The following RHOBTB3 variants were observed in gnomAD, a reference collection of about 807,000 sequenced individuals.
The protein encoded by RHOBTB3 is rho-related BTB domain-containing protein 3.
A neutral mutation model predicts 67.2 loss-of-function variants in RHOBTB3; 47 were observed. The observed-to-expected ratio is 0.70, with a 90% CI of 0.55 to 0.89. The LOEUF (loss-of-function observed/expected upper bound fraction) is 0.89. Ranked by LOEUF, RHOBTB3 falls within the 40% of genes least tolerant of loss-of-function variation. The pLI is 0.00. For synonymous variants in RHOBTB3, 273 were observed against 274.2 expected (o/e 1.00, Z 0.04); for missense variants, 631 against 750.0 (o/e 0.84, Z 1.85).
chr5:95,731,140 G>C, upstream of RHOBTB3: 2 of 1,016,160 alleles, frequency 2.0e-6, no homozygotes, highest in Non-Finnish European at 2.4e-6. Flanking sequence ...ATATTCCGCG[G>C]CGCCCCGCGC....
chr5:95,748,852 T>A (rs983531606), intron 4 of RHOBTB3, among the ~76,000 whole-genome samples: 3 of 152,220 alleles, frequency 2.0e-5, no homozygotes, highest in African/African-American at 7.2e-5. Context: ...CTGAAAGTTC[T>A]CTTTCATTTC....
Position 95,755,490 on chromosome 5 carries a change from C to T in RHOBTB3, c.777C>T (p.Tyr259=), listed in dbSNP as rs34898. ...GCCAGTGTGTGGACGTGGTATTTTA[C>T]AACCCCAATTTAAAGAAAGTTGTAG... ...FCCQCVDVVF[Y]NPNLKKVVEA... Residue 259 remains tyrosine (Y), a synonymous_variant, in exon 6 of 12, where the codon TAC becomes TAT. Transcript: ENST00000379982. 682,003 of 1,610,916 alleles carry T rather than the reference C, an allele frequency of 0.42. 148,768 individuals carry two copies. Among genetic ancestry groups the T allele is most frequent in the East Asian group, 0.74 (32,945 of 44,786 alleles).
At chr5:95,743,463 G>C (rs1375491964) in intron 3 of RHOBTB3, among the ~76,000 whole-genome samples, 1 of 152,020 alleles carries the variant, frequency 6.6e-6, no homozygotes, top group African/African-American at 2.4e-5. Flanking sequence ...GAGCACTCTA[G>C]GTGTGGCTGC....
At chr5:95,762,477 T>C (rs1745421460) in intron 6 of RHOBTB3, among the ~76,000 whole-genome samples, 2 of 152,074 alleles carry the variant, frequency 1.3e-5, no homozygotes, top group African/African-American at 4.8e-5. Flanking sequence ...TCAGAAGAAA[T>C]GAACTGAGAG....
intron 6 of RHOBTB3, among the ~76,000 whole-genome samples, chr5:95,756,330 A>G (rs7714523): frequency 0.012 from 1,788 of 152,292 alleles, 33 homozygotes; most frequent in African/African-American, 0.041. Flanking sequence ...TGTGGCATGT[A>G]TCAGGATTTT....
intron 8 of RHOBTB3, among the ~76,000 whole-genome samples, chr5:95,773,545 G>A (rs1229399231): frequency 1.3e-5 from 2 of 152,170 alleles, no homozygotes; most frequent in Non-Finnish European, 2.9e-5. Context: ...TGTGTCTGTG[G>A]GCAAGTCACC....
chr5:95,723,726 T>G (rs1754966003), intron 1 of RHOBTB3, among the ~76,000 whole-genome samples: 1 of 152,168 alleles, frequency 6.6e-6, no homozygotes, highest in African/African-American at 2.4e-5. Context: ...CTCCTTTACT[T>G]CCTGTCTCGC....
intron 8 of RHOBTB3, 50 bp from the exon 9 acceptor site, chr5:95,780,202 C>T (rs781075909): frequency 6.6e-6 from 10 of 1,506,976 alleles, no homozygotes; most frequent in Non-Finnish European, 9.2e-6. Flanking sequence ...GCTGGAATAA[C>T]CCTGCAGGTT....
chr5:95,776,238 C>A (rs982319743), intron 8 of RHOBTB3, among the ~76,000 whole-genome samples: 23 of 152,060 alleles, frequency 1.5e-4, no homozygotes, highest in African/African-American at 5.5e-4. Context: ...GAAACCCCAT[C>A]CCTATTAAAA....
intron 3 of RHOBTB3, among the ~76,000 whole-genome samples, chr5:95,739,905 A>C (rs1755550956): frequency 6.6e-6 from 1 of 152,246 alleles, no homozygotes; most frequent in East Asian, 1.9e-4. Context: ...GGGTGACCAT[A>C]GTCTTTGGTC....
At chr5:95,780,522 A>T in intron 9 of RHOBTB3, 97 bp downstream of exon 9, 3 of 1,040,002 alleles carry the variant, frequency 2.9e-6, no homozygotes, top group Non-Finnish European at 4.3e-6. Flanking sequence ...TTCATTTAAG[A>T]TTTATTAGTT....
chr5:95,763,829 T>TGTGA (rs1324728108), intron 7 of RHOBTB3, among the ~76,000 whole-genome samples: 1 of 151,732 alleles, frequency 6.6e-6, no homozygotes, highest in African/African-American at 2.4e-5. Flanking sequence ...TGTGTGTGTG[T>TGTGA]GAGACAGAGA....
chr5:95,754,274 C>G (rs1253887917), intron 5 of RHOBTB3, among the ~76,000 whole-genome samples: 1 of 152,084 alleles, frequency 6.6e-6, no homozygotes, highest in Non-Finnish European at 1.5e-5. Flanking sequence ...TAAAGATATT[C>G]CAGAGGTTCA....
intron 6 of RHOBTB3, 192 bp downstream of exon 6, chr5:95,755,953 T>G: frequency 1.8e-6 from 1 of 543,684 alleles, no homozygotes; most frequent in Non-Finnish European, 3.2e-6. Context: ...CTTACAAATG[T>G]ACTTGCCTCA....
chr5:95,741,335 A>C (rs149465369), intron 3 of RHOBTB3, among the ~76,000 whole-genome samples: 2,899 of 151,396 alleles, frequency 0.019, 81 homozygotes, highest in African/African-American at 0.063. Context: ...CTAAAAAAAA[A>C]AAAAGAAAAG....
At chr5:95,743,994 A>G (rs1287795305) in intron 3 of RHOBTB3, among the ~76,000 whole-genome samples, 2 of 147,696 alleles carry the variant, frequency 1.4e-5, no homozygotes, top group South Asian at 4.4e-4. Flanking sequence ...CAGGCATGAG[A>G]CAATGCACCT....
At position 95,769,762 on chromosome 5, in the gene RHOBTB3, A is replaced by G. The variant is rs77061018; in HGVS notation, c.1282+1596A>G. On this transcript the variant is annotated intron_variant, in intron 8 of 11. Transcript: ENST00000379982. Reference sequence around the variant, plus strand: ...CAACAACATGAATTCAAGGATGCCTATGTTCTGTTGAGTGAAACAGAAATG... The same window carrying G: ...CAACAACATGAATTCAAGGATGCCTGTGTTCTGTTGAGTGAAACAGAAATG... 6.0e-3 allele frequency: 1,120 copies of G among 187,168 alleles called. 8 individuals carry two copies. Among genetic ancestry groups the G allele is most frequent in the Non-Finnish European group, 9.2e-3 (824 of 89,600 alleles). The allele number at this position is 187,168 out of a possible 1,614,324, so 11.6% of individuals were successfully genotyped here.
chr5:95,777,081 T>TA (rs949599673), intron 8 of RHOBTB3, among the ~76,000 whole-genome samples: 18 of 151,686 alleles, frequency 1.2e-4, no homozygotes, highest in Admixed American at 3.3e-4. Context: ...TTTTGGCGTG[T>TA]AAAAAAAAAT....
At position 95,788,744 on chromosome 5, in the gene RHOBTB3, T is replaced by A. The variant is rs1332748170; in HGVS notation, c.1624-18T>A. 1 of 1,540,154 alleles carries A rather than the reference T, an allele frequency of 6.5e-7. No individual in the cohort carries two copies. Among genetic ancestry groups the A allele is most frequent in the Admixed American group, 1.8e-5 (1 of 54,590 alleles). On this transcript the variant is annotated intron_variant, in intron 10 of 11. Transcript: ENST00000379982. Reference sequence around the variant, plus strand: ...GCCATTATGTGCAATATTATTTCACTTTTCATTTTTCTTGCAGTTTCACCA... The same window carrying A: ...GCCATTATGTGCAATATTATTTCACATTTCATTTTTCTTGCAGTTTCACCA...
Sources: allele counts gnomAD v4.1 joint callset (sites outside exome capture counted in the v4.1 genomes callset), GRCh38; gene constraint gnomAD v4.1.1; transcripts MANE v1.5; gene names NCBI Gene and HGNC (gene_info 2026-07-23, HGNC 2026-07-21).